VPS13D: variants seen among roughly 807,000 people sequenced by gnomAD.
VPS13D encodes the protein intermembrane lipid transfer protein VPS13D.
A neutral mutation model predicts 461.9 loss-of-function variants in VPS13D; 187 were observed. The observed-to-expected ratio is 0.40, with a 90% CI of 0.36 to 0.46. The LOEUF is 0.46. Among genes scored for constraint, VPS13D ranks in the 20% least tolerant of loss-of-function variants. VPS13D has a pLI of 0.60. For synonymous variants in VPS13D, 1,951 were observed against 1,986.3 expected, an observed-to-expected ratio of 0.98 and a Z score of 0.47; for missense variants, 4,711 against 5,364.9, an observed-to-expected ratio of 0.88 and a Z score of 3.81.
At chr1:12,489,749 C>A (rs1304025933) in intron 67 of VPS13D, among the ~76,000 whole-genome samples, 3 of 152,136 alleles carry the variant, frequency 2.0e-5, no homozygotes, top group Non-Finnish European at 2.9e-5. Flanking sequence ...TTATCGAGTG[C>A]CTATTATGTG....
chr1:12,361,251 GATAA>G (rs547133262), intron 50 of VPS13D, among the ~76,000 whole-genome samples: 3 of 151,996 alleles, frequency 2.0e-5, no homozygotes, highest in African/African-American at 7.2e-5. Context: ...TTATTTCTAT[GATAA>G]ATATTTTTAT....
At chr1:12,435,748 A>T (rs1417239148) in intron 65 of VPS13D, among the ~76,000 whole-genome samples, 1 of 151,676 alleles carries the variant, frequency 6.6e-6, no homozygotes, top group Admixed American at 6.6e-5. Context: ...TCTCTGCGAT[A>T]TATTTGCAGG....
intron 66 of VPS13D, among the ~76,000 whole-genome samples, chr1:12,459,948 A>ATT (rs779399019): frequency 1.0e-3 from 124 of 122,104 alleles, no homozygotes; most frequent in Admixed American, 3.1e-3. Context: ...CTTTTCTCTG[A>ATT]TTTTTTTTTT....
chr1:12,398,262 G>A (rs2101677191), intron 60 of VPS13D, among the ~76,000 whole-genome samples: 1 of 152,344 alleles, frequency 6.6e-6, no homozygotes, highest in South Asian at 2.1e-4. Flanking sequence ...GCAATACAAT[G>A]GAGAGGTCAG....
intron 66 of VPS13D, 54 bp from the exon 67 acceptor site, chr1:12,460,147 A>G (rs1645390076): frequency 1.4e-6 from 2 of 1,466,434 alleles, no homozygotes; most frequent in Non-Finnish European, 1.8e-6. Flanking sequence ...TTGGCTTTAA[A>G]TGCTTTTGCT....
chr1:12,353,753 A>G (rs1420465945), intron 46 of VPS13D, among the ~76,000 whole-genome samples: 1 of 152,146 alleles, frequency 6.6e-6, no homozygotes, highest in Admixed American at 6.6e-5. Context: ...GATGGTGTTT[A>G]TAGAGGTGTG....
intron 68 of VPS13D, among the ~76,000 whole-genome samples, chr1:12,506,011 GC>G (rs1646100839): frequency 6.6e-6 from 1 of 152,208 alleles, no homozygotes; most frequent in South Asian, 2.1e-4. Flanking sequence ...GAGCTCGACT[GC>G]CACTCCGTCG....
chr1:12,454,578 C>G (rs897938261), intron 65 of VPS13D, among the ~76,000 whole-genome samples: 3 of 152,242 alleles, frequency 2.0e-5, no homozygotes, highest in Admixed American at 2.0e-4. Flanking sequence ...TGTTGCTTTA[C>G]ATGGAATTGC....
At chr1:12,462,156 A>T (rs1035197497) in intron 67 of VPS13D, among the ~76,000 whole-genome samples, 1 of 152,236 alleles carries the variant, frequency 6.6e-6, no homozygotes, top group Non-Finnish European at 1.5e-5. Context: ...GCAAACATAA[A>T]AAATTATATA....
chr1:12,437,957 A>G (rs1645082357), intron 65 of VPS13D, among the ~76,000 whole-genome samples: 2 of 152,152 alleles, frequency 1.3e-5, no homozygotes, highest in South Asian at 2.1e-4. Context: ...AAATGTGGCA[A>G]TGAAAGGGTT....
chr1:12,508,912 T>C lies in VPS13D; in HGVS notation c.13055T>C (p.Val4352Ala). The stretch of plus-strand genomic sequence containing the variant: ...CCTTAGGTCCATGTGAAATCTGAGG[T>C]CCTTGCTGTCAAGTTGTCACAAGAA... ...QKPMVHVKSE[V>A]LAVKLSQEIN... The change falls in exon 70 of 70, where the codon GTC becomes GCC. Residue 4352 changes from valine to alanine, a missense_variant. Transcript: ENST00000620676. 6.2e-7 allele frequency: 1 copy of C among 1,614,048 alleles called. No individual in the cohort carries two copies. Among genetic ancestry groups the C allele is most frequent in the South Asian group, 1.1e-5 (1 of 91,036 alleles).
chr1:12,486,643 C>A (rs899592374), intron 67 of VPS13D, among the ~76,000 whole-genome samples: 2 of 152,216 alleles, frequency 1.3e-5, no homozygotes, highest in East Asian at 3.9e-4. Context: ...AGTGTCCCCC[C>A]CACGTTGGAA....
intron 7 of VPS13D, among the ~76,000 whole-genome samples, chr1:12,254,077 A>G (rs1202590063): frequency 6.6e-6 from 1 of 152,210 alleles, no homozygotes; most frequent in Non-Finnish European, 1.5e-5. Flanking sequence ...GGTTTATTTT[A>G]TTCAGTGAAA....
intron 66 of VPS13D, among the ~76,000 whole-genome samples, chr1:12,456,490 T>C (rs1645329213): frequency 6.6e-6 from 1 of 151,694 alleles, no homozygotes; most frequent in Admixed American, 6.6e-5. Context: ...ATACGAAAAT[T>C]AGACAGGCGT....
chr1:12,369,229 C>CTGTGTGTGTGTG (rs142328809), intron 53 of VPS13D, among the ~76,000 whole-genome samples: 1 of 147,564 alleles, frequency 6.8e-6, no homozygotes, highest in Admixed American at 6.8e-5. Context: ...GTGTGTGTAT[C>CTGTGTGTGTGTG]TGTGTGTGTG....
chr1:12,364,898 T>C (rs1025516643), intron 52 of VPS13D, among the ~76,000 whole-genome samples: 1 of 152,208 alleles, frequency 6.6e-6, no homozygotes, highest in Non-Finnish European at 1.5e-5. Context: ...GTTTTAGCTC[T>C]TACTTCTAGG....
chr1:12,492,696 T>C (rs1645899549), intron 67 of VPS13D, among the ~76,000 whole-genome samples: 1 of 152,226 alleles, frequency 6.6e-6, no homozygotes, highest in Admixed American at 6.5e-5. Flanking sequence ...ATGTTCATAA[T>C]AGCATCATTT....
At chr1:12,388,709 T>C (rs1644382519) in intron 60 of VPS13D, among the ~76,000 whole-genome samples, 1 of 152,106 alleles carries the variant, frequency 6.6e-6, no homozygotes, top group African/African-American at 2.4e-5. Context: ...ATGGTATCAA[T>C]TAACTAAATT....
intron 26 of VPS13D, among the ~76,000 whole-genome samples, chr1:12,305,846 T>C (rs1642546787): frequency 6.6e-6 from 1 of 152,222 alleles, no homozygotes; most frequent in Non-Finnish European, 1.5e-5. Flanking sequence ...GTGTTGATCA[T>C]TTAACAAGAT....
Sources: gnomAD v4.1 joint callset for allele counts (sites outside exome capture counted in the v4.1 genomes callset) on GRCh38, gnomAD v4.1.1 for gene constraint, MANE v1.5 for transcripts, NCBI Gene and HGNC (gene_info 2026-07-23, HGNC 2026-07-21) for gene names.